The following BBOF1 variants were observed in gnomAD, a reference collection of about 807,000 sequenced individuals.
BBOF1 encodes basal body-orientation factor 1.
Under a neutral mutation model 68.0 loss-of-function variants are expected in BBOF1, and 62 were observed. That is an observed-to-expected ratio of 0.91 (90% CI 0.74 to 1.13). BBOF1 has a LOEUF of 1.13. BBOF1 is among the 50% of genes most tolerant of loss of function. The probability of loss-of-function intolerance (pLI) is 0.00; values close to 1 mark genes in which losing one functional copy is unlikely to be tolerated. For synonymous variants in BBOF1, 208 were observed against 198.8 expected (o/e 1.05, Z -0.39); for missense variants, 534 against 600.1 (o/e 0.89, Z 1.15).
chr14:74,039,997 CAT>C (rs574603957), intron 4 of BBOF1, among the ~76,000 whole-genome samples: 1 of 151,212 alleles, frequency 6.6e-6, no homozygotes, highest in Non-Finnish European at 1.5e-5. Context: ...TCTTCCAAAA[CAT>C]ATATATATAT....
chr14:74,072,187 CA>C, intron 9 of BBOF1: 1 of 1,614,116 alleles, frequency 6.2e-7, no homozygotes, highest in Non-Finnish European at 8.5e-7. Flanking sequence ...AAAAGCATAC[CA>C]TTTAGATTTC....
At position 74,029,192 on chromosome 14, in the gene BBOF1, A is replaced by T; in HGVS notation, c.294A>T (p.Lys98Asn). 1 of 1,557,654 alleles carries T rather than the reference A, an allele frequency of 6.4e-7. No homozygotes were observed. Among genetic ancestry groups the T allele is most frequent in the Non-Finnish European group, 8.7e-7 (1 of 1,148,332 alleles). ...QDQEKDNMIE[K>N]LKQQLNETKE... ...ATTTTGATTTTCAACAGATTGAAAA[A>T]CTGAAACAGCAATTAAATGAAACAA... Residue 98 changes from lysine to asparagine, a missense_variant, in exon 3 of 12, where the codon AAA (lysine) becomes AAT (asparagine). Physicochemically the swap from Lys to Asn is moderately conservative, Grantham distance 94. Coordinates refer to ENST00000394009, the MANE Select transcript of BBOF1 (RefSeq NM_025057.3).
At position 74,066,047 on chromosome 14, in the gene BBOF1, GC is replaced by G. The variant is rs576372660; in HGVS notation, c.*1349del. The G allele has an allele frequency of 2.3e-4, 36 of 154,938 alleles. No individual in the cohort carries two copies. The highest frequency in any genetic ancestry group is 7.7e-4 in the African/African-American group (32 of 41,564). 9.6% of individuals were successfully genotyped at this position (154,938 alleles called of 1,614,324 possible). On this transcript the variant is annotated 3_prime_UTR_variant, in exon 12 of 12. Transcript: ENST00000394009. ...TAACCTCAATTTTTAAGTCATGTTA[GC>G]TGAGAGACTTTCAAAGTTTTGATAA...
chr14:74,050,308 A>T (rs2060038351), intron 8 of BBOF1, 113 bp downstream of exon 8: 1 of 1,243,172 alleles, frequency 8.0e-7, no homozygotes, highest in Non-Finnish European at 1.1e-6. Flanking sequence ...TAGATTTCTC[A>T]GTAGGTTACT....
intron 3 of BBOF1, among the ~76,000 whole-genome samples, chr14:74,032,489 C>CT (rs201835078): frequency 0.23 from 31,285 of 133,164 alleles, 3,865 homozygotes; most frequent in South Asian, 0.46. Context: ...ACGTTTCTCT[C>CT]TTTTTTTTTT....
rs756352111 is a variant in BBOF1 at position 74,046,064 on chromosome 14, G to A, written c.581G>A (p.Arg194Gln). 18 of 1,605,810 alleles carry A rather than the reference G, an allele frequency of 1.1e-5. No homozygotes were observed. The highest frequency in any genetic ancestry group is 8.5e-5 in the Admixed American group (5 of 58,508). ...LESRFFEEKHRLEQEAEKKII... is the reference protein window; with the variant it reads ...LESRFFEEKHQLEQEAEKKII... ...GCAGCCCATTTTCTTTTTTAGCACC[G>A]ACTAGAACAAGAGGCTGAAAAGAAG... The change falls in exon 6 of 12, where the codon CGA (arginine) becomes CAA (glutamine). Residue 194 changes from arginine to glutamine, a missense_variant. Arg to Gln is a conservative substitution (Grantham distance 43). Coordinates refer to ENST00000394009, the MANE Select transcript of BBOF1 (RefSeq NM_025057.3).
chr14:74,025,176 A>T (rs539414282), intron 2 of BBOF1, among the ~76,000 whole-genome samples: 149 of 152,328 alleles, frequency 9.8e-4, no homozygotes, highest in Non-Finnish European at 1.9e-3. Flanking sequence ...AATAATTTCC[A>T]AATGTGTTAC....
intron 3 of BBOF1, among the ~76,000 whole-genome samples, chr14:74,031,635 C>T (rs139517371): frequency 3.9e-5 from 6 of 152,212 alleles, no homozygotes; most frequent in African/African-American, 1.4e-4. Context: ...TGGCCGCTTC[C>T]TGCTGGATCC....
intron 6 of BBOF1, among the ~76,000 whole-genome samples, 158 bp downstream of exon 6, chr14:74,046,288 C>T (rs762593983): frequency 1.2e-4 from 19 of 152,160 alleles, no homozygotes; most frequent in Non-Finnish European, 1.5e-4. Context: ...TCTTTGTATA[C>T]TCCCACCCCT....
intron 2 of BBOF1, among the ~76,000 whole-genome samples, chr14:74,024,601 A>G (rs1027543718): frequency 1.3e-5 from 2 of 152,034 alleles, no homozygotes; most frequent in African/African-American, 4.8e-5. Context: ...AGTAGCTGGG[A>G]CTACAGGCAC....
rs565804608 is a variant in BBOF1, at chr14:74,034,865, T to A, written c.495+694T>A. Among the ~76,000 whole-genome samples the A allele has an allele frequency of 5.3e-5, 8 of 152,230 alleles. No individual in the cohort carries two copies. The South Asian group carries it at 1.7e-3, about 32-fold the overall frequency. On this transcript the variant is annotated intron_variant, in intron 4 of 11. Transcript: ENST00000394009. ...CAGCATTTTGGAGGCCAAGGCAGGA[T>A]AATCTCTTGAGGCCAGGAGTTCAAG...
At chr14:74,051,998 A>G (rs2060077790) in intron 8 of BBOF1, among the ~76,000 whole-genome samples, 1 of 151,810 alleles carries the variant, frequency 6.6e-6, no homozygotes, top group East Asian at 1.9e-4. Context: ...TCTCTGATAG[A>G]TAAGATTCTT....
At chr14:74,068,873 A>G (rs1368984007), downstream of BBOF1, 1 of 1,613,786 alleles carries the variant, frequency 6.2e-7, no homozygotes, top group Non-Finnish European at 8.5e-7. Flanking sequence ...ATTGGCTTGA[A>G]CCCTCTTGCC....
chr14:74,025,271 C>G (rs541318817), intron 2 of BBOF1, among the ~76,000 whole-genome samples: 1 of 152,178 alleles, frequency 6.6e-6, no homozygotes, highest in South Asian at 2.1e-4. Context: ...TCTCATCTGC[C>G]TCCTTATATC....
chr14:74,046,218 C>G (rs567838029), intron 6 of BBOF1, 88 bp downstream of exon 6: 1 of 1,228,146 alleles, frequency 8.1e-7, no homozygotes, highest in African/African-American at 1.5e-5. Flanking sequence ...TGTCTTCCCC[C>G]TTCTGTTCTG....
chr14:74,057,300 ACCCTT>A (rs1217823011), intron 11 of BBOF1, 42 bp downstream of exon 11: 1 of 1,612,892 alleles, frequency 6.2e-7, no homozygotes, highest in African/African-American at 1.3e-5. Flanking sequence ...TATTGTTGTC[ACCCTT>A]CCCCATGTCG....
At chr14:74,076,350 C>T (rs1192954960) in intron 9 of BBOF1, among the ~76,000 whole-genome samples, 1 of 152,066 alleles carries the variant, frequency 6.6e-6, no homozygotes, top group Non-Finnish European at 1.5e-5. Context: ...CTAAAAAAGT[C>T]TGTATATATG....
intron 1 of BBOF1, 32 bp from the exon 2 acceptor site, chr14:74,022,884 T>A: frequency 8.2e-7 from 1 of 1,223,334 alleles, no homozygotes; most frequent in Non-Finnish European, 1.2e-6. Context: ...GTATAAATAG[T>A]CATATACTGT....
chr14:74,055,488 A>G, intron 8 of BBOF1, 96 bp from the exon 9 acceptor site: 1 of 810,406 alleles, frequency 1.2e-6, no homozygotes, highest in East Asian at 2.6e-5. Flanking sequence ...TGTGGAATTT[A>G]TCCTATGTTT....
Sources: gnomAD v4.1 joint callset for allele counts (sites outside exome capture counted in the v4.1 genomes callset) on GRCh38, gnomAD v4.1.1 for gene constraint, MANE v1.5 for transcripts, NCBI Gene and HGNC (gene_info 2026-07-23, HGNC 2026-07-21) for gene names.